The following AP3D1 variants were observed in gnomAD, a reference collection of about 807,000 sequenced individuals.
AP3D1 encodes the protein AP-3 complex subunit delta-1.
Under a neutral mutation model 147.6 loss-of-function variants are expected in AP3D1, and 51 were observed. The observed-to-expected ratio is 0.35, with a 90% CI of 0.28 to 0.44. AP3D1 has a LOEUF of 0.44. Among genes scored for constraint, AP3D1 ranks in the 20% least tolerant of loss-of-function variants. The pLI is 1.00. For missense variants in AP3D1, 1,421 were observed against 1,624.2 expected, an observed-to-expected ratio of 0.87 and a Z score of 2.15; for synonymous variants, 760 against 663.0, an observed-to-expected ratio of 1.15 and a Z score of -2.25.
chr19:2,116,879 G>T, intron 16 of AP3D1, 133 bp from the exon 17 acceptor site: 1 of 1,224,522 alleles, frequency 8.2e-7, no homozygotes, highest in Non-Finnish European at 1.1e-6. Flanking sequence ...CCCACACAGG[G>T]CCAGCGAGGC....
At chr19:2,123,946 C>CA (rs1172140145) in intron 9 of AP3D1, 67 bp from the exon 10 acceptor site, 6 of 1,513,308 alleles carry the variant, frequency 4.0e-6, no homozygotes, top group Non-Finnish European at 5.4e-6. Flanking sequence ...AACTCAGGGC[C>CA]ACGGGGCACC....
intron 1 of AP3D1, among the ~76,000 whole-genome samples, chr19:2,145,980 C>T (rs141330456): frequency 5.9e-5 from 9 of 152,298 alleles, no homozygotes; most frequent in African/African-American, 2.2e-4. Flanking sequence ...GTGCGGGAGG[C>T]GAGGCTGCGG....
At chr19:2,149,611 G>C (rs549485301) in intron 1 of AP3D1, among the ~76,000 whole-genome samples, 4 of 151,244 alleles carry the variant, frequency 2.6e-5, no homozygotes, top group Admixed American at 2.6e-4. Flanking sequence ...TGGGGAAGGC[G>C]CTATCAACTC....
At chr19:2,142,480 C>T (rs560985395) in intron 1 of AP3D1, among the ~76,000 whole-genome samples, 1 of 152,218 alleles carries the variant, frequency 6.6e-6, no homozygotes, top group Non-Finnish European at 1.5e-5. Context: ...ACTTCCGATT[C>T]TCAGTCCTTC....
upstream of AP3D1, among the ~76,000 whole-genome samples, chr19:2,155,221 C>T (rs572051690): frequency 5.3e-5 from 8 of 150,170 alleles, no homozygotes; most frequent in South Asian, 2.1e-4. Flanking sequence ...ATTAGCCAGG[C>T]GTGGTTGCCA....
At chr19:2,110,997 C>G (rs556606645) in intron 26 of AP3D1, 101 bp from the exon 27 acceptor site, 17 of 1,346,266 alleles carry the variant, frequency 1.3e-5, no homozygotes. Flanking sequence ...AGGGGTCCCA[C>G]AGGCACAGGA....
Position 2,125,119 on chromosome 19 carries a change from C to T in AP3D1, c.857-1240G>A, listed in dbSNP as rs546531326. 8.1e-4 allele frequency among the ~76,000 whole-genome samples: 124 copies of T among 152,170 alleles called. 1 individual carries two copies. The highest frequency in any genetic ancestry group is 2.8e-3 in the African/African-American group (116 of 41,506). On this transcript the variant is annotated intron_variant, in intron 9 of 31. Coordinates refer to ENST00000643116, the MANE Select transcript of AP3D1 (RefSeq NM_001261826.3). ...CCTGTAACCAAATACCACCAAATGC[C>T]GCCCAAAAACTACTGAAATAATAAT...
chr19:2,102,119 C>T lies in AP3D1; in HGVS notation c.*54G>A, dbSNP rs2017970414. ...TGAGGAGAGGCGAGACACGTCAGGGCTGCGGTCCCTGGGTACGTGCTCCGC... is the reference window on the plus strand; with the variant it reads ...TGAGGAGAGGCGAGACACGTCAGGGTTGCGGTCCCTGGGTACGTGCTCCGC... On this transcript the variant is annotated 3_prime_UTR_variant, in exon 32 of 32. Transcript: ENST00000643116. 5 of 1,426,966 alleles carry T rather than the reference C, an allele frequency of 3.5e-6. No individual in the cohort carries two copies. Among genetic ancestry groups the T allele is most frequent in the Non-Finnish European group, 4.9e-6 (5 of 1,014,736 alleles). The allele number at this position is 1,426,966 out of a possible 1,614,324, so 88.4% of individuals were successfully genotyped here.
rs2018372051 is a variant in AP3D1 at position 2,114,215 on chromosome 19, T to C, written c.2511A>G (p.Val837=). The change falls in exon 22 of 32, where the codon GTA becomes GTG. Residue 837 remains valine, a synonymous_variant. Coordinates refer to ENST00000643116, the MANE Select transcript of AP3D1 (RefSeq NM_001261826.3). ...TCTTGGGTTTCTTGCTCTTCTTTTC[T>C]ACCATGGGAACGTCCTTCTCAGGGG... ...SKSPEKDVPM[V]EKKSKKPKKK... is the part of the protein sequence containing the mutation. 6.2e-7 allele frequency: 1 copy of C among 1,613,462 alleles called. No individual in the cohort carries two copies.
At chr19:2,129,594 C>G (rs2018878749) in intron 6 of AP3D1, 137 bp from the exon 7 acceptor site, 1 of 1,084,852 alleles carries the variant, frequency 9.2e-7, no homozygotes, top group Admixed American at 2.9e-5. Flanking sequence ...GCCACCTCCT[C>G]CTGGTGACAG....
intron 2 of AP3D1, 142 bp from the exon 3 acceptor site, chr19:2,137,949 C>G: frequency 2.0e-6 from 1 of 511,964 alleles, no homozygotes. Context: ...ATACGTACCC[C>G]TGGGGCCTTT....
At position 2,110,759 on chromosome 19, in the gene AP3D1, C is replaced by T. The variant is rs544252608; in HGVS notation, c.3123G>A (p.Pro1041=). 6.8e-6 allele frequency: 11 copies of T among 1,611,542 alleles called. No individual in the cohort carries two copies. Among genetic ancestry groups the T allele is most frequent in the Middle Eastern group, 1.9e-4 (1 of 5,292 alleles). ...CGCCATCGTGGACGGAGGAGCCCTGCGGCCGGGCCATCCTGGCATTGAGTG... is the reference window on the plus strand; with the variant it reads ...CGCCATCGTGGACGGAGGAGCCCTGTGGCCGGGCCATCCTGGCATTGAGTG... ...LDSLNARMAR[P]QGSSVHDGVP... Residue 1041 remains proline, a synonymous_variant, in exon 27 of 32, where the codon CCG becomes CCA. Coordinates refer to ENST00000643116, the MANE Select transcript of AP3D1 (RefSeq NM_001261826.3).
At chr19:2,158,960 C>T (rs564519330) in intron 1 of AP3D1, among the ~76,000 whole-genome samples, 6 of 151,944 alleles carry the variant, frequency 3.9e-5, no homozygotes, top group Non-Finnish European at 8.8e-5. Flanking sequence ...ATGGAGTCGT[C>T]TAGGTCAGAT....
chr19:2,125,333 GAGA>G lies in AP3D1; in HGVS notation c.857-1457_857-1455del, dbSNP rs939752609. On this transcript the variant is annotated intron_variant, in intron 9 of 31. Coordinates refer to ENST00000643116, the MANE Select transcript of AP3D1 (RefSeq NM_001261826.3). ...TTTGTTTTGTTTTGTTTCGTTTTTT[GAGA>G]AGAAGTTTCGCTCTTGTTGCCCAGG... Among the ~76,000 whole-genome samples, 9 of 152,044 alleles carry G rather than the reference GAGA, an allele frequency of 5.9e-5. No individual in the cohort carries two copies. The East Asian group carries it at 7.8e-4, about 13-fold the overall frequency.
At chr19:2,117,878 G>A (rs1568284180) in intron 15 of AP3D1, among the ~76,000 whole-genome samples, 1 of 152,248 alleles carries the variant, frequency 6.6e-6, no homozygotes, top group Admixed American at 6.5e-5. Flanking sequence ...TCTCACAGAT[G>A]GCCAGGTGCG....
At chr19:2,134,638 G>C (rs1378579326) in intron 4 of AP3D1, among the ~76,000 whole-genome samples, 2 of 150,364 alleles carry the variant, frequency 1.3e-5, no homozygotes, top group African/African-American at 4.9e-5. Context: ...GTCTCGCTCT[G>C]TCACCCAGGC....
At chr19:2,130,613 T>C in intron 5 of AP3D1, 76 bp from the exon 6 acceptor site, 1 of 1,589,264 alleles carries the variant, frequency 6.3e-7, no homozygotes, top group South Asian at 1.1e-5. Context: ...AGCCGCCTCC[T>C]CCACAGAGAG....
intron 27 of AP3D1, 125 bp downstream of exon 27, chr19:2,110,582 G>A: frequency 9.4e-7 from 1 of 1,061,934 alleles, no homozygotes; most frequent in Non-Finnish European, 1.3e-6. Context: ...GAGGTACTGA[G>A]GTGCAGCCTG....
upstream of AP3D1, among the ~76,000 whole-genome samples, chr19:2,153,010 C>T (rs139344526): frequency 6.7e-6 from 1 of 150,170 alleles, no homozygotes; most frequent in South Asian, 2.1e-4. Flanking sequence ...ATTGCTTGAG[C>T]CCAGGAGATA....
Sources: allele counts gnomAD v4.1 joint callset (sites outside exome capture counted in the v4.1 genomes callset), GRCh38; gene constraint gnomAD v4.1.1; transcripts MANE v1.5; gene names NCBI Gene and HGNC (gene_info 2026-07-23, HGNC 2026-07-21).